PIP4K2A: variants seen among roughly 807,000 people sequenced by gnomAD.
PIP4K2A encodes phosphatidylinositol-5-phosphate 4-kinase type 2 alpha.
Under a neutral mutation model 42.9 loss-of-function variants are expected in PIP4K2A, and 14 were observed. The observed-to-expected ratio is 0.33, with a 90% CI of 0.22 to 0.51. The LOEUF (loss-of-function observed/expected upper bound fraction) is 0.51, where lower values mean the gene tolerates loss of function less well. PIP4K2A is among the 20% of genes least tolerant of loss of function. PIP4K2A has a pLI of 0.97. For synonymous variants in PIP4K2A, 192 were observed against 192.2 expected (o/e 1.00, Z 0.01); for missense variants, 434 against 519.8 (o/e 0.83, Z 1.61).
chr10:22,675,100 G>A (rs925709327), intron 1 of PIP4K2A, among the ~76,000 whole-genome samples: 3 of 152,154 alleles, frequency 2.0e-5, no homozygotes, highest in Admixed American at 6.5e-5. Flanking sequence ...TCACTGATAC[G>A]TGACATCTTT....
chr10:22,682,083 A>G (rs1263031028), intron 1 of PIP4K2A, among the ~76,000 whole-genome samples: 1 of 152,114 alleles, frequency 6.6e-6, no homozygotes, highest in Non-Finnish European at 1.5e-5. Context: ...CCCACAAGCC[A>G]TAGTCTGCCA....
intron 8 of PIP4K2A, among the ~76,000 whole-genome samples, chr10:22,540,364 CTTTT>C (rs199836038): frequency 2.1e-5 from 3 of 143,970 alleles, no homozygotes; most frequent in Admixed American, 6.9e-5. Flanking sequence ...GGAACGGAGT[CTTTT>C]TTTTTTTTTA....
At chr10:22,713,333 G>A (rs1193727081) in intron 1 of PIP4K2A, among the ~76,000 whole-genome samples, 1 of 152,126 alleles carries the variant, frequency 6.6e-6, no homozygotes, top group East Asian at 1.9e-4. Context: ...CCCCCACAGC[G>A]GGTGCGGCCA....
chr10:22,537,492 G>A (rs753532227), intron 9 of PIP4K2A, among the ~76,000 whole-genome samples: 13 of 152,128 alleles, frequency 8.5e-5, no homozygotes, highest in Non-Finnish European at 1.5e-4. Flanking sequence ...GTCTGCAAAT[G>A]AGACAAAGGG....
At chr10:22,650,181 T>C (rs897383408) in intron 1 of PIP4K2A, among the ~76,000 whole-genome samples, 2 of 152,198 alleles carry the variant, frequency 1.3e-5, no homozygotes, top group Admixed American at 6.5e-5. Context: ...GTGACCCAGC[T>C]CTGATGATCT....
At chr10:22,639,381 C>T (rs1267022740) in intron 1 of PIP4K2A, among the ~76,000 whole-genome samples, 2 of 147,156 alleles carry the variant, frequency 1.4e-5, no homozygotes, top group African/African-American at 5.0e-5. Context: ...AAAGAATTAA[C>T]ATTTTGATTA....
chr10:22,577,416 T>C (rs990658433), intron 4 of PIP4K2A, among the ~76,000 whole-genome samples: 3 of 152,210 alleles, frequency 2.0e-5, no homozygotes, highest in Non-Finnish European at 2.9e-5. Flanking sequence ...CTTGGTGCCA[T>C]AGGGAGAACT....
rs201515135 is a variant in PIP4K2A at position 22,705,424 on chromosome 10, GT to G, written c.144+8758del. Among the ~76,000 whole-genome samples the G allele has an allele frequency of 1.4e-3, 79 of 57,482 alleles. 1 individual carries two copies. Among genetic ancestry groups the G allele is most frequent in the African/African-American group, 1.9e-3 (24 of 12,602 alleles). The allele number at this position is 57,482 out of a possible 152,430, so 37.7% of individuals were successfully genotyped here. A position where few individuals can be genotyped will look rare whatever the true frequency, so the allele number is the denominator to read the frequency against. ...TTTACGTATTATATTCAGTACCCCA[GT>G]TAAAAAAAAAAAAAAAAAAAAAAAA... On this transcript the variant is annotated intron_variant, in intron 1 of 9. Transcript: ENST00000376573.
intron 1 of PIP4K2A, among the ~76,000 whole-genome samples, chr10:22,634,338 T>C (rs777177843): frequency 4.6e-5 from 7 of 152,208 alleles, no homozygotes; most frequent in Non-Finnish European, 7.4e-5. Flanking sequence ...CACCTTCCTT[T>C]CCTATGGTAC....
chr10:22,660,520 T>C (rs1369280594), intron 1 of PIP4K2A, among the ~76,000 whole-genome samples: 1 of 152,070 alleles, frequency 6.6e-6, no homozygotes, highest in Non-Finnish European at 1.5e-5. Flanking sequence ...ATTTTTTTTT[T>C]CCTGAAAGGC....
At chr10:22,589,814 G>A (rs548091181) in intron 4 of PIP4K2A, among the ~76,000 whole-genome samples, 9 of 152,126 alleles carry the variant, frequency 5.9e-5, no homozygotes, top group Non-Finnish European at 1.0e-4. Flanking sequence ...CAGGACCTGC[G>A]GCACTTTATT....
chr10:22,572,716 C>A (rs990110522), intron 5 of PIP4K2A, among the ~76,000 whole-genome samples: 1 of 152,186 alleles, frequency 6.6e-6, no homozygotes, highest in Admixed American at 6.5e-5. Context: ...ATTGGTGATA[C>A]CAGAAGCCAG....
chr10:22,564,218 T>C (rs1836781057), intron 6 of PIP4K2A, among the ~76,000 whole-genome samples: 1 of 152,104 alleles, frequency 6.6e-6, no homozygotes, highest in African/African-American at 2.4e-5. Flanking sequence ...ATACAGGAAG[T>C]CAAATACGTG....
chr10:22,579,908 G>A (rs756238809), intron 4 of PIP4K2A, among the ~76,000 whole-genome samples: 3 of 149,766 alleles, frequency 2.0e-5, no homozygotes, highest in Non-Finnish European at 4.4e-5. Context: ...GACTTCGTCT[G>A]AGAAGAAAAA....
At chr10:22,612,245 G>A (rs1838061980) in intron 1 of PIP4K2A, among the ~76,000 whole-genome samples, 1 of 152,184 alleles carries the variant, frequency 6.6e-6, no homozygotes, top group East Asian at 1.9e-4. Flanking sequence ...GGTCCAGAGG[G>A]GCAGACACAT....
chr10:22,607,246 C>CAA (rs1046620985), intron 3 of PIP4K2A, among the ~76,000 whole-genome samples: 2 of 152,092 alleles, frequency 1.3e-5, no homozygotes, highest in African/African-American at 4.8e-5. Flanking sequence ...GATCATGGCT[C>CAA]AACAGTTATT....
intron 4 of PIP4K2A, among the ~76,000 whole-genome samples, chr10:22,589,637 A>G (rs1467776104): frequency 6.6e-6 from 1 of 152,248 alleles, no homozygotes; most frequent in African/African-American, 2.4e-5. Flanking sequence ...AACTGCCAAG[A>G]AAGAATCCAT....
chr10:22,685,302 TG>T, intron 1 of PIP4K2A, among the ~76,000 whole-genome samples: 1 of 152,314 alleles, frequency 6.6e-6, no homozygotes. Flanking sequence ...ATACTATTAA[TG>T]AATCATAATA....
intron 1 of PIP4K2A, among the ~76,000 whole-genome samples, chr10:22,664,104 C>CGTATATATATATATACATAT (rs773759044): frequency 2.0e-5 from 1 of 50,374 alleles, no homozygotes; most frequent in African/African-American, 2.4e-4. Context: ...TATATATATA[C>CGTATATATATATATACATAT]ATATATATAT....
Sources: allele counts gnomAD v4.1 joint callset (sites outside exome capture counted in the v4.1 genomes callset), GRCh38; gene constraint gnomAD v4.1.1; transcripts MANE v1.5; gene names NCBI Gene and HGNC (gene_info 2026-07-23, HGNC 2026-07-21).